Variants in DNAH17 observed in about 807,000 individuals in gnomAD.
The protein encoded by DNAH17 is axonemal beta dynein heavy chain 17.
Under a neutral mutation model 485.6 loss-of-function variants are expected in DNAH17, and 376 were observed. The observed-to-expected ratio is 0.77, with a 90% CI of 0.71 to 0.84. The LOEUF (loss-of-function observed/expected upper bound fraction) is 0.84. Ranked by LOEUF, DNAH17 falls within the 40% of genes least tolerant of loss-of-function variation. DNAH17 has a pLI of 0.00. For missense variants in DNAH17, 6,370 were observed against 5,839.3 expected (o/e 1.09, Z -2.96); for synonymous variants, 3,031 against 2,405.9 (o/e 1.26, Z -7.60).
chr17:78,453,844 C>T (rs2087663377), intron 64 of DNAH17, among the ~76,000 whole-genome samples: 1 of 152,108 alleles, frequency 6.6e-6, no homozygotes, highest in Non-Finnish European at 1.5e-5. Context: ...CATGCCACCA[C>T]ACCCAACTAG....
intron 14 of DNAH17, among the ~76,000 whole-genome samples, chr17:78,555,487 A>G (rs2143599129): frequency 7.0e-6 from 1 of 143,228 alleles, no homozygotes; most frequent in South Asian, 2.3e-4. Flanking sequence ...GCCCCTGGTG[A>G]TCAGAATCTG....
intron 16 of DNAH17, among the ~76,000 whole-genome samples, chr17:78,544,720 G>A (rs2091705033): frequency 6.9e-6 from 1 of 145,340 alleles, no homozygotes; most frequent in Admixed American, 7.2e-5. Flanking sequence ...AGAATGGCGT[G>A]AACCCGGGAG....
In DNAH17 at chr17:78,434,167, G is replaced by A. The variant is rs768740655; in HGVS notation, c.12087C>T (p.Ala4029=). The change falls in exon 75 of 81, where the codon GCC becomes GCT. Residue 4029 remains alanine (A), a synonymous_variant. Coordinates refer to ENST00000389840, the MANE Select transcript of DNAH17 (RefSeq NM_173628.4). The part of the protein sequence containing the change: ...KEMEFKCMLF[A]LCYFHAVVAE... Reference sequence around the variant, plus strand: ...CCACCACAGCGTGGAAGTAGCACAGGGCGAAGAGCATGCACTTGAACTCCA... The same window carrying A: ...CCACCACAGCGTGGAAGTAGCACAGAGCGAAGAGCATGCACTTGAACTCCA... 1 of 1,613,436 alleles carries A rather than the reference G, an allele frequency of 6.2e-7. No individual in the cohort carries two copies. The highest frequency in any genetic ancestry group is 1.3e-5 in the African/African-American group (1 of 74,938).
chr17:78,502,988 C>T lies in DNAH17; in HGVS notation c.4980G>A (p.Val1660=). Residue 1660 remains valine, a synonymous_variant, in exon 32 of 81, where the codon GTG becomes GTA. Coordinates refer to ENST00000389840, the MANE Select transcript of DNAH17 (RefSeq NM_173628.4). Reference sequence around the variant, plus strand: ...GGAGGGTAGAGCACATTCGGTCCAGCACTCGATTCAGCCACACTTCCACCT... The same window carrying T: ...GGAGGGTAGAGCACATTCGGTCCAGTACTCGATTCAGCCACACTTCCACCT... ...SGQVEVWLNR[V]LDRMCSTLRH... 1 of 1,613,812 alleles carries T rather than the reference C, an allele frequency of 6.2e-7. No individual in the cohort carries two copies. Among genetic ancestry groups the T allele is most frequent in the Non-Finnish European group, 8.5e-7 (1 of 1,179,826 alleles).
chr17:78,485,900 T>C, intron 46 of DNAH17, 60 bp downstream of exon 46: 1 of 1,587,868 alleles, frequency 6.3e-7, no homozygotes, highest in South Asian at 1.1e-5. Context: ...GTGTGGAGGG[T>C]ACTGCACCGA....
chr17:78,484,984 C>A lies in DNAH17; in HGVS notation c.7533G>T (p.Pro2511=), dbSNP rs765021033. The A allele has an allele frequency of 6.2e-7, 1 of 1,613,340 alleles. No individual in the cohort carries two copies. The highest frequency in any genetic ancestry group is 8.5e-7 in the Non-Finnish European group (1 of 1,179,596). The change falls in exon 48 of 81, where the codon CCG becomes CCT. Residue 2511 remains proline, a synonymous_variant. Transcript: ENST00000389840. The part of the protein sequence containing the change: ...LEKKSGRNYG[P]PGTKKLVYFI... ...AGTAGACGAGCTTCTTAGTGCCTGG[C>A]GGCCCGTAGTTCCTCCCCGATTTCT...
intron 56 of DNAH17, among the ~76,000 whole-genome samples, chr17:78,465,176 C>T: frequency 6.6e-6 from 1 of 152,230 alleles, no homozygotes; most frequent in East Asian, 1.9e-4. Flanking sequence ...AAGTGATCCG[C>T]CAGCCTCGGC....
rs1290523929 is a variant in DNAH17, at chr17:78,544,104, CTTGGA to C, written c.2392-112_2392-108del. 3.0e-5 allele frequency: 45 copies of C among 1,501,944 alleles called. No individual in the cohort carries two copies. The Admixed American group carries it at 5.4e-4, about 18-fold the overall frequency. The allele number at this position is 1,501,944 out of a possible 1,614,324, so 93.0% of individuals were successfully genotyped here. On this transcript the variant is annotated intron_variant, in intron 16 of 80. Transcript: ENST00000389840. ...GTGAGTTTCGTCACTGCTGCCTGATCTTGGATTGGAGTCTAGTTCTCCACGATCCA... is the reference window on the plus strand; with the variant it reads ...GTGAGTTTCGTCACTGCTGCCTGATCTTGGAGTCTAGTTCTCCACGATCCA...
At chr17:78,541,709 C>T (rs146349732) in intron 17 of DNAH17, among the ~76,000 whole-genome samples, 2 of 152,196 alleles carry the variant, frequency 1.3e-5, no homozygotes, top group African/African-American at 2.4e-5. Context: ...GCTTCAACCT[C>T]AGCCCAGTCC....
chr17:78,546,816 G>C (rs1320146931), intron 16 of DNAH17, among the ~76,000 whole-genome samples: 1 of 152,106 alleles, frequency 6.6e-6, no homozygotes, highest in African/African-American at 2.4e-5. Flanking sequence ...TGAAGCAGGA[G>C]AATCGCTTGA....
Position 78,574,657 on chromosome 17 carries a change from G to C in DNAH17, c.345+56C>G. On this transcript the variant is annotated intron_variant, in intron 2 of 80. Transcript: ENST00000389840. ...AGGCTGAGCAGCAGGACTCAAGGCC[G>C]CTCCCGAGAAGTCGGTCGTGCTCGA... is the stretch of plus-strand genomic sequence containing the variant. 5.4e-6 allele frequency: 8 copies of C among 1,471,764 alleles called. No individual in the cohort carries two copies. In the South Asian group the frequency reaches 9.1e-5, roughly 17 times the overall value. The allele number at this position is 1,471,764 out of a possible 1,614,324, so 91.2% of individuals were successfully genotyped here. A position where few individuals can be genotyped will look rare whatever the true frequency, so the allele number is the denominator to read the frequency against.
intron 26 of DNAH17, among the ~76,000 whole-genome samples, chr17:78,512,257 T>C (rs1308007748): frequency 6.6e-6 from 1 of 152,228 alleles, no homozygotes; most frequent in Non-Finnish European, 1.5e-5. Context: ...CCTTGGGGTA[T>C]GTTCTCACCG....
intron 48 of DNAH17, among the ~76,000 whole-genome samples, chr17:78,482,376 TGTTA>T (rs1401938338): frequency 6.6e-6 from 1 of 152,244 alleles, no homozygotes; most frequent in Non-Finnish European, 1.5e-5. Flanking sequence ...AGTTGACGTC[TGTTA>T]GTTTCTAGTA....
chr17:78,484,434 ATC>A lies in DNAH17; in HGVS notation c.7649+432_7649+433del, dbSNP rs796411156. Among the ~76,000 whole-genome samples, 100 of 152,166 alleles carry A rather than the reference ATC, an allele frequency of 6.6e-4. 2 individuals are homozygous for A. The highest frequency in any genetic ancestry group is 2.3e-3 in the African/African-American group (95 of 41,516). The stretch of plus-strand genomic sequence containing the variant: ...AGCTGTGCACCATCTCCCCAGGGGC[ATC>A]TCTCTGCTGGGGCTCCCAGCTGGGA... On this transcript the variant is annotated intron_variant, in intron 48 of 80. Coordinates refer to ENST00000389840, the MANE Select transcript of DNAH17 (RefSeq NM_173628.4).
chr17:78,465,851 T>A (rs1048042557), intron 56 of DNAH17, among the ~76,000 whole-genome samples: 3 of 145,886 alleles, frequency 2.1e-5, no homozygotes, highest in African/African-American at 5.2e-5. Flanking sequence ...GTCCGGGAGG[T>A]GAGGGGCGCC....
Position 78,575,525 on chromosome 17 carries a change from C to A in DNAH17, c.-25-443G>T, listed in dbSNP as rs186663922. On this transcript the variant is annotated intron_variant, in intron 1 of 80. Coordinates refer to ENST00000389840, the MANE Select transcript of DNAH17 (RefSeq NM_173628.4). ...GCAGCCCCAGAGTATGTGTGAAACG[C>A]AAGAAGGAAGCAGACCCCACGTGCA... is the stretch of plus-strand genomic sequence containing the variant. 6.6e-5 allele frequency among the ~76,000 whole-genome samples: 10 copies of A among 152,296 alleles called. No individual in the cohort carries two copies. In the East Asian group the frequency reaches 1.9e-3, roughly 29 times the overall value.
chr17:78,512,940 C>CAAAAA (rs57734613), intron 26 of DNAH17, among the ~76,000 whole-genome samples: 10 of 83,304 alleles, frequency 1.2e-4, no homozygotes, highest in African/African-American at 2.6e-4. Context: ...GACTCTAACT[C>CAAAAA]AAAAAAAAAA....
chr17:78,453,973 G>A (rs903238926), intron 64 of DNAH17, among the ~76,000 whole-genome samples: 6 of 152,154 alleles, frequency 3.9e-5, no homozygotes, highest in Admixed American at 3.9e-4. Flanking sequence ...CTCCCAGAGT[G>A]CTGAGATTAC....
At chr17:78,466,564 C>T (rs2088468229) in intron 56 of DNAH17, 91 bp downstream of exon 56, 2 of 1,357,514 alleles carry the variant, frequency 1.5e-6, no homozygotes, top group Non-Finnish European at 1.9e-6. Flanking sequence ...CACCCTAATC[C>T]CAGCGCCCTT....
Sources: gnomAD v4.1 joint callset for allele counts (sites outside exome capture counted in the v4.1 genomes callset) on GRCh38, gnomAD v4.1.1 for gene constraint, MANE v1.5 for transcripts, NCBI Gene and HGNC (gene_info 2026-07-23, HGNC 2026-07-21) for gene names.